TRAK2: variants seen among roughly 807,000 people sequenced by gnomAD.
The protein encoded by TRAK2 is trafficking kinesin protein 2, also known as trafficking kinesin-binding protein 2.
In TRAK2, 81 loss-of-function variants were observed where a neutral mutation model predicts 104.6. The observed-to-expected ratio is 0.77, with a 90% CI of 0.65 to 0.93. The LOEUF (loss-of-function observed/expected upper bound fraction) is 0.93. TRAK2 is among the 40% of genes least tolerant of loss of function. TRAK2 has a pLI of 0.00. For synonymous variants in TRAK2, 406 were observed against 394.4 expected (o/e 1.03, Z -0.35); for missense variants, 1,002 against 1,089.0 (o/e 0.92, Z 1.12).
intron 1 of TRAK2, among the ~76,000 whole-genome samples, chr2:201,444,243 A>G (rs1476565025): frequency 6.6e-6 from 1 of 151,896 alleles, no homozygotes; most frequent in Non-Finnish European, 1.5e-5. Context: ...TAATAATAAT[A>G]CTTAAAAAAT....
chr2:201,386,580 G>A, intron 13 of TRAK2, 96 bp from the exon 14 acceptor site: 2 of 1,437,262 alleles, frequency 1.4e-6, no homozygotes, highest in Non-Finnish European at 1.9e-6. Flanking sequence ...TAACAATAAT[G>A]ACAGCAATAA....
intron 7 of TRAK2, among the ~76,000 whole-genome samples, chr2:201,396,692 G>A (rs1380263856): frequency 2.6e-5 from 4 of 152,044 alleles, no homozygotes; most frequent in Admixed American, 6.6e-5. Flanking sequence ...GCAATATTGC[G>A]ATAGTTGACC....
At position 201,411,582 on chromosome 2, in the gene TRAK2, T is replaced by C. The variant is rs1049404876; in HGVS notation, c.92-3985A>G. ...AATGAAAGAATTGAACTGATTAAGA[T>C]TGTTTTCAATACTCAGGGGAATAAG... On this transcript the variant is annotated intron_variant, in intron 2 of 15. Coordinates refer to ENST00000332624, the MANE Select transcript of TRAK2 (RefSeq NM_015049.3). 2.1e-5 allele frequency: 16 copies of C among 772,616 alleles called. 1 individual carries two copies. Among genetic ancestry groups the C allele is most frequent in the South Asian group, 1.2e-4 (9 of 74,678 alleles). The allele number at this position is 772,616 out of a possible 1,614,324, so 47.9% of individuals were successfully genotyped here.
At chr2:201,403,386 A>G (rs183546746) in intron 3 of TRAK2, among the ~76,000 whole-genome samples, 59 of 152,274 alleles carry the variant, frequency 3.9e-4, no homozygotes, top group Admixed American at 1.3e-3. Context: ...TGGAGATGAT[A>G]ATAACGCTCA....
rs192063219 is a variant in TRAK2, at chr2:201,399,277, T to C, written c.480+100A>G. 160 of 720,526 alleles carry C rather than the reference T, an allele frequency of 2.2e-4. No homozygotes were observed. The African/African-American group carries it at 2.5e-3, about 11-fold the overall frequency. The allele number at this position is 720,526 out of a possible 1,614,324, so 44.6% of individuals were successfully genotyped here. A position where few individuals can be genotyped will look rare whatever the true frequency, so the allele number is the denominator to read the frequency against. On this transcript the variant is annotated intron_variant, in intron 5 of 15. Transcript: ENST00000332624. ...ACAAAGTGAACAAGTACTGGTGTTA[T>C]TTATCTATTGCCATCATTTCAGGGA... is the stretch of plus-strand genomic sequence containing the variant.
chr2:201,450,400 C>A (rs1315725410), intron 1 of TRAK2, among the ~76,000 whole-genome samples: 1 of 151,366 alleles, frequency 6.6e-6, no homozygotes, highest in Non-Finnish European at 1.5e-5. Context: ...GGCGACAGAG[C>A]GAGACTCTGT....
At chr2:201,425,761 A>AAG (rs201928453) in intron 1 of TRAK2, among the ~76,000 whole-genome samples, 3 of 151,524 alleles carry the variant, frequency 2.0e-5, no homozygotes, top group East Asian at 1.9e-4. Flanking sequence ...AAGAGAGAAA[A>AAG]AGAGAGAGAG....
rs534136601 is a variant in TRAK2, at chr2:201,428,662, G to A, written c.-199-7956C>T. On this transcript the variant is annotated intron_variant, in intron 1 of 15. Coordinates refer to ENST00000332624, the MANE Select transcript of TRAK2 (RefSeq NM_015049.3). ...GTCTTGGCAATGCAGGCTCTTTTTG[G>A]TTACATATGAACTTTAAAGTAGTTT... Among the ~76,000 whole-genome samples the A allele has an allele frequency of 1.6e-4, 24 of 152,262 alleles. No homozygotes were observed. In the South Asian group the frequency reaches 4.3e-3, roughly 28 times the overall value.
chr2:201,393,505 C>T (rs1559440096), intron 9 of TRAK2, among the ~76,000 whole-genome samples: 1 of 152,118 alleles, frequency 6.6e-6, no homozygotes, highest in Non-Finnish European at 1.5e-5. Context: ...GATCTTCGTG[C>T]CTTGTTTCAG....
chr2:201,440,859 T>C (rs922757589), intron 1 of TRAK2, among the ~76,000 whole-genome samples: 7 of 152,226 alleles, frequency 4.6e-5, no homozygotes, highest in Non-Finnish European at 8.8e-5. Context: ...TCAGTGTTTA[T>C]TGATTCCCTT....
intron 1 of TRAK2, among the ~76,000 whole-genome samples, chr2:201,428,907 G>A (rs1435328066): frequency 6.6e-6 from 1 of 152,198 alleles, no homozygotes; most frequent in African/African-American, 2.4e-5. Context: ...TGGATTCCTA[G>A]GTATTTTATT....
chr2:201,398,524 C>T, intron 5 of TRAK2, among the ~76,000 whole-genome samples, 170 bp from the exon 6 acceptor site: 1 of 152,200 alleles, frequency 6.6e-6, no homozygotes, highest in South Asian at 2.1e-4. Flanking sequence ...TAACAAACCC[C>T]AGATACCTCC....
rs1420266206 is a variant in TRAK2 at position 201,434,106 on chromosome 2, C to T, written c.-199-13400G>A. Among the ~76,000 whole-genome samples the T allele has an allele frequency of 2.0e-5, 3 of 152,192 alleles. No individual in the cohort carries two copies. The East Asian group carries it at 5.8e-4, about 30-fold the overall frequency. Reference sequence around the variant, plus strand: ...CTGAGTAGCTGGGACTACAGGCGTCCGCCACCGCGCCCGGCTAATTTTTTG... The same window carrying T: ...CTGAGTAGCTGGGACTACAGGCGTCTGCCACCGCGCCCGGCTAATTTTTTG... On this transcript the variant is annotated intron_variant, in intron 1 of 15. Coordinates refer to ENST00000332624, the MANE Select transcript of TRAK2 (RefSeq NM_015049.3).
chr2:201,395,095 GA>G (rs534677609), intron 8 of TRAK2: 12 of 604,966 alleles, frequency 2.0e-5, no homozygotes, highest in Non-Finnish European at 3.4e-5. Context: ...ACTTTCTGAG[GA>G]AGCACTAACC....
At chr2:201,386,545 A>G in intron 13 of TRAK2, 61 bp from the exon 14 acceptor site, 1 of 1,575,242 alleles carries the variant, frequency 6.3e-7, no homozygotes, top group South Asian at 1.1e-5. Context: ...AAATCTTAAA[A>G]CACAAGCTAA....
At chr2:201,409,333 T>A (rs1218597266) in intron 2 of TRAK2, among the ~76,000 whole-genome samples, 1 of 151,812 alleles carries the variant, frequency 6.6e-6, no homozygotes, top group Non-Finnish European at 1.5e-5. Context: ...ACGGCAGAAA[T>A]CTCAAAAGTT....
At chr2:201,395,562 T>C (rs1951494881) in intron 7 of TRAK2, 118 bp from the exon 8 acceptor site, 7 of 1,049,258 alleles carry the variant, frequency 6.7e-6, no homozygotes, top group Non-Finnish European at 8.8e-6. Context: ...TGAATAGATT[T>C]TTCTTAAACA....
intron 3 of TRAK2, among the ~76,000 whole-genome samples, chr2:201,403,062 C>G (rs1416453632): frequency 1.3e-5 from 1 of 77,178 alleles, no homozygotes; most frequent in African/African-American, 4.5e-5. Context: ...GGAGTAAGAC[C>G]AGTAAGTTAA....
intron 13 of TRAK2, 118 bp downstream of exon 13, chr2:201,387,585 G>T: frequency 9.3e-7 from 1 of 1,069,918 alleles, no homozygotes; most frequent in Non-Finnish European, 1.3e-6. Context: ...GCAAGATTAA[G>T]GGATAAAAAG....
Sources: gnomAD v4.1 joint callset for allele counts (sites outside exome capture counted in the v4.1 genomes callset) on GRCh38, gnomAD v4.1.1 for gene constraint, MANE v1.5 for transcripts, NCBI Gene and HGNC (gene_info 2026-07-23, HGNC 2026-07-21) for gene names.